The following SMIM21 variants were observed in gnomAD, a reference collection of about 807,000 sequenced individuals.
SMIM21 encodes chromosome 18 open reading frame 62.
SMIM21 carries 8 observed loss-of-function variants against 8.6 expected under a neutral mutation model. The ratio of observed to expected loss-of-function variants is 0.93; its 90% CI spans 0.55 to 1.68. SMIM21 has a LOEUF of 1.68. SMIM21 is among the 40% of genes most tolerant of loss of function. The pLI is 0.00. For missense variants in SMIM21, 132 were observed against 123.0 expected, an observed-to-expected ratio of 1.07 and a Z score of -0.35; for synonymous variants, 43 against 41.7, an observed-to-expected ratio of 1.03 and a Z score of -0.12.
chr18:75,413,565 A>G (rs562536390), intron 2 of SMIM21, among the ~76,000 whole-genome samples: 30 of 152,358 alleles, frequency 2.0e-4, no homozygotes, highest in African/African-American at 5.5e-4. Context: ...ATATTAGTAT[A>G]AAACAGGACA....
intron 1 of SMIM21, among the ~76,000 whole-genome samples, chr18:75,424,895 C>A (rs779149403): frequency 6.6e-6 from 1 of 152,174 alleles, no homozygotes; most frequent in Non-Finnish European, 1.5e-5. Context: ...AGAACCAAAG[C>A]ACACAATTGC....
rs2024577077 is a variant in SMIM21 at position 75,410,929 on chromosome 18, G to A, written c.261-20C>T. 6 of 1,612,786 alleles carry A rather than the reference G, an allele frequency of 3.7e-6. No individual in the cohort carries two copies. The South Asian group carries it at 5.5e-5, about 15-fold the overall frequency. On this transcript the variant is annotated intron_variant, in intron 2 of 2. Coordinates refer to ENST00000579022, the MANE Select transcript of SMIM21 (RefSeq NM_001037331.3). ...AGAAAGCTGCAAGAGACAAAAGGGGGAAAAAGCATTTTATTTTTTTGATAG... is the reference window on the plus strand; with the variant it reads ...AGAAAGCTGCAAGAGACAAAAGGGGAAAAAAGCATTTTATTTTTTTGATAG...
At chr18:75,426,941 A>T (rs1269586853) in intron 1 of SMIM21, among the ~76,000 whole-genome samples, 1 of 152,172 alleles carries the variant, frequency 6.6e-6, no homozygotes, top group African/African-American at 2.4e-5. Flanking sequence ...TTGCCTGCAC[A>T]TTGGCTACTG....
chr18:75,422,220 C>T (rs114872277), intron 1 of SMIM21, among the ~76,000 whole-genome samples: 80 of 152,178 alleles, frequency 5.3e-4, no homozygotes, highest in African/African-American at 1.0e-3. Flanking sequence ...GAGACAGGGG[C>T]GCACCATGGA....
intron 1 of SMIM21, among the ~76,000 whole-genome samples, chr18:75,426,089 C>T (rs1334465514): frequency 6.6e-6 from 1 of 152,116 alleles, no homozygotes; most frequent in Middle Eastern, 3.4e-3. Flanking sequence ...CAGCACACAC[C>T]GGCCTAGTAT....
Position 75,427,441 on chromosome 18 carries a change from AAG to A in SMIM21, c.121_122del (p.Leu41TyrfsTer4). 6.2e-7 allele frequency: 1 copy of A among 1,613,778 alleles called. No homozygotes were observed. On this transcript the variant is annotated frameshift_variant, in exon 1 of 3. Transcript: ENST00000579022. LOFTEE classifies it high-confidence loss of function. ...TAAAGACCCATAAACTCACTGTGGTAAGTGCTTTCTTCTGCAGCAAATTCCCC... is the reference window on the plus strand; with the variant it reads ...TAAAGACCCATAAACTCACTGTGGTATGCTTTCTTCTGCAGCAAATTCCCC... ...FKGNLLQKKA[L>X]TTFENEHHIR...
chr18:75,421,075 G>T (rs1203956382), intron 1 of SMIM21, among the ~76,000 whole-genome samples: 1 of 152,156 alleles, frequency 6.6e-6, no homozygotes, highest in African/African-American at 2.4e-5. Context: ...TCTGAATTTG[G>T]ACATTATTTT....
In SMIM21 at chr18:75,427,466, C is replaced by T. The variant is rs1401388398; in HGVS notation, c.98G>A (p.Gly33Glu). Reference protein sequence around the residue: ...DSAGMGRIFKGNLLQKKALTT... With the variant: ...DSAGMGRIFKENLLQKKALTT... ...AAGTGCTTTCTTCTGCAGCAAATTC[C>T]CCTTGAATATCCGTCCCATTCCTGC... Residue 33 changes from glycine to glutamate, a missense_variant, in exon 1 of 3, where the codon GGG becomes GAG. Coordinates refer to ENST00000579022, the MANE Select transcript of SMIM21 (RefSeq NM_001037331.3). 6.2e-7 allele frequency: 1 copy of T among 1,614,018 alleles called. No individual in the cohort carries two copies. Among genetic ancestry groups the T allele is most frequent in the Non-Finnish European group, 8.5e-7 (1 of 1,179,958 alleles).
chr18:75,426,706 G>A (rs1314567227), intron 1 of SMIM21, among the ~76,000 whole-genome samples: 2 of 149,734 alleles, frequency 1.3e-5, no homozygotes, highest in African/African-American at 4.9e-5. Context: ...AAGCAGCAGT[G>A]GGGATCAAGA....
In SMIM21 at chr18:75,418,776, G is replaced by A. The variant is rs371433525; in HGVS notation, c.260+10C>T. The A allele has an allele frequency of 3.6e-5, 58 of 1,597,194 alleles. No individual in the cohort carries two copies. In the Admixed American group the frequency reaches 4.2e-4, roughly 12 times the overall value. ...TTTTTTTTTAACTGCTAAGGTTATC[G>A]TTTACCTACTTTCGAAATATGCTGT... On this transcript the variant is annotated intron_variant, in intron 2 of 2. Transcript: ENST00000579022.
intron 2 of SMIM21, among the ~76,000 whole-genome samples, chr18:75,415,830 T>G (rs1021104515): frequency 2.0e-5 from 3 of 152,246 alleles, no homozygotes; most frequent in African/African-American, 7.2e-5. Context: ...TTCAGCTTAA[T>G]GGTGGCATTA....
intron 1 of SMIM21, among the ~76,000 whole-genome samples, chr18:75,426,316 T>G (rs2024761262): frequency 6.6e-6 from 1 of 151,994 alleles, no homozygotes; most frequent in African/African-American, 2.4e-5. Context: ...TGTTTGTTTG[T>G]TTGTTTTTTG....
rs79158345 is a variant in SMIM21 at position 75,415,488 on chromosome 18, G to A, written c.260+3298C>T. ...GACGTGTGACAACATCTGCGGTCCT[G>A]GGGAAGATGAGCATTCTGACTTGCC... On this transcript the variant is annotated intron_variant, in intron 2 of 2. Coordinates refer to ENST00000579022, the MANE Select transcript of SMIM21 (RefSeq NM_001037331.3). 5.3e-3 allele frequency among the ~76,000 whole-genome samples: 812 copies of A among 152,302 alleles called. 9 individuals carry two copies. The highest frequency in any genetic ancestry group is 0.019 in the African/African-American group (784 of 41,558).
chr18:75,411,597 C>A (rs913456150), intron 2 of SMIM21, among the ~76,000 whole-genome samples: 1 of 152,240 alleles, frequency 6.6e-6, no homozygotes, highest in Non-Finnish European at 1.5e-5. Context: ...CTTTGCCTCA[C>A]TGACATTGTG....
At chr18:75,425,281 C>G (rs2024749719) in intron 1 of SMIM21, among the ~76,000 whole-genome samples, 1 of 152,092 alleles carries the variant, frequency 6.6e-6, no homozygotes, top group African/African-American at 2.4e-5. Flanking sequence ...TACTGAGTTT[C>G]CAGTACATAA....
At chr18:75,422,104 C>T (rs868315016) in intron 1 of SMIM21, among the ~76,000 whole-genome samples, 4 of 152,128 alleles carry the variant, frequency 2.6e-5, no homozygotes, top group Admixed American at 6.5e-5. Flanking sequence ...CAGCCAAAGC[C>T]GCCCACCCAG....
chr18:75,427,364 G>A, intron 1 of SMIM21, 71 bp downstream of exon 1: 1 of 1,481,792 alleles, frequency 6.7e-7, no homozygotes, highest in East Asian at 2.3e-5. Flanking sequence ...GCAAAAGAGT[G>A]CTTTGTAGGA....
intron 1 of SMIM21, among the ~76,000 whole-genome samples, chr18:75,422,033 C>A (rs1052604111): frequency 6.6e-6 from 1 of 152,124 alleles, no homozygotes; most frequent in Non-Finnish European, 1.5e-5. Context: ...ACAACATAGC[C>A]TTCACAAGTG....
At position 75,410,513 on chromosome 18, in the gene SMIM21, A is replaced by T. The variant is rs1015366961; in HGVS notation, c.*351T>A. 12 of 288,368 alleles carry T rather than the reference A, an allele frequency of 4.2e-5. No individual in the cohort carries two copies. The highest frequency in any genetic ancestry group is 1.1e-3 in the Middle Eastern group (1 of 946). The allele number at this position is 288,368 out of a possible 1,614,324, so 17.9% of individuals were successfully genotyped here. On this transcript the variant is annotated 3_prime_UTR_variant, in exon 3 of 3. Transcript: ENST00000579022. ...TAAGTGAAAGCACTTGCAAGGAAAA[A>T]GTTACAGCAGCAATTGAAAATATGA...
Sources: gnomAD v4.1 joint callset for allele counts (sites outside exome capture counted in the v4.1 genomes callset) on GRCh38, gnomAD v4.1.1 for gene constraint, MANE v1.5 for transcripts, NCBI Gene and HGNC (gene_info 2026-07-23, HGNC 2026-07-21) for gene names.